Variants in FAM168B observed in about 807,000 individuals in gnomAD.
FAM168B encodes myelin-associated neurite-outgrowth inhibitor.
FAM168B carries 19 observed loss-of-function variants against 21.8 expected under a neutral mutation model. The ratio of observed to expected loss-of-function variants is 0.87; its 90% CI spans 0.61 to 1.28. FAM168B has a LOEUF of 1.28. FAM168B is among the 50% of genes most tolerant of loss of function. The pLI is 0.00. For missense variants in FAM168B, 233 were observed against 263.1 expected, an observed-to-expected ratio of 0.89 and a Z score of 0.79; for synonymous variants, 126 against 104.8, an observed-to-expected ratio of 1.20 and a Z score of -1.24.
At chr2:131,066,197 G>A (rs1437274283) in intron 3 of FAM168B, among the ~76,000 whole-genome samples, 2 of 142,188 alleles carry the variant, frequency 1.4e-5, no homozygotes, top group Non-Finnish European at 3.0e-5. Flanking sequence ...GTGGAGTCTC[G>A]CTCTGTCGCC....
At chr2:131,070,188 CGTT>C (rs376807494) in intron 3 of FAM168B, among the ~76,000 whole-genome samples, 5 of 152,138 alleles carry the variant, frequency 3.3e-5, no homozygotes, top group African/African-American at 1.2e-4. Context: ...CTTTAAAAGA[CGTT>C]GTTAAAAGAA....
intron 3 of FAM168B, among the ~76,000 whole-genome samples, chr2:131,064,527 T>G (rs1422014223): frequency 6.6e-6 from 1 of 152,102 alleles, no homozygotes; most frequent in African/African-American, 2.4e-5. Context: ...ACCCGAATAT[T>G]CTGGGGGGAA....
chr2:131,092,425 T>C (rs924780316), intron 1 of FAM168B, among the ~76,000 whole-genome samples: 36 of 152,206 alleles, frequency 2.4e-4, no homozygotes, highest in African/African-American at 8.2e-4. Flanking sequence ...TTTTATTTAA[T>C]CTAGAATCTT....
chr2:131,068,333 ATTTT>A (rs1692682288), intron 3 of FAM168B, among the ~76,000 whole-genome samples: 1 of 151,986 alleles, frequency 6.6e-6, no homozygotes, highest in Non-Finnish European at 1.5e-5. Flanking sequence ...TCATTTTTGT[ATTTT>A]TAGTAGAGAT....
intron 1 of FAM168B, among the ~76,000 whole-genome samples, chr2:131,090,098 T>C (rs1439235401): frequency 7.4e-6 from 1 of 135,592 alleles, no homozygotes; most frequent in Admixed American, 8.3e-5. Context: ...CGAGGGCGGA[T>C]CACGAGGTCA....
intron 5 of FAM168B, among the ~76,000 whole-genome samples, chr2:131,053,681 C>T (rs1275236026): frequency 1.3e-5 from 2 of 151,764 alleles, no homozygotes; most frequent in African/African-American, 2.4e-5. Context: ...GCTTGAGATG[C>T]GCCTGGGCAA....
At position 131,052,128 on chromosome 2, in the gene FAM168B, C is replaced by G; in HGVS notation, c.*337G>C. On this transcript the variant is annotated 3_prime_UTR_variant, in exon 7 of 7. Transcript: ENST00000389915. ...GCATATGATGGTTTTGCATCAGTCA[C>G]TGCAGGTAGATTGAGCAAGCTTTTT... The G allele has an allele frequency of 1.0e-6, 1 of 985,834 alleles. No individual in the cohort carries two copies. The highest frequency in any genetic ancestry group is 1.2e-6 in the Non-Finnish European group (1 of 829,940). The allele number at this position is 985,834 out of a possible 1,614,324, so 61.1% of individuals were successfully genotyped here.
Position 131,052,112 on chromosome 2 carries a change from G to T in FAM168B, c.*353C>A. ...CATTCCTTTGGATTTTGCATATGAT[G>T]GTTTTGCATCAGTCACTGCAGGTAG... On this transcript the variant is annotated 3_prime_UTR_variant, in exon 7 of 7. Transcript: ENST00000389915. 3 of 985,800 alleles carry T rather than the reference G, an allele frequency of 3.0e-6. No individual in the cohort carries two copies. Among genetic ancestry groups the T allele is most frequent in the Non-Finnish European group, 3.6e-6 (3 of 829,936 alleles). The allele number at this position is 985,800 out of a possible 1,614,324, so 61.1% of individuals were successfully genotyped here.
intron 5 of FAM168B, among the ~76,000 whole-genome samples, 193 bp downstream of exon 5, chr2:131,055,079 G>C (rs1185858313): frequency 6.6e-6 from 1 of 152,170 alleles, no homozygotes; most frequent in Non-Finnish European, 1.5e-5. Flanking sequence ...GATTCAGAGA[G>C]GCCTCCACAA....
At position 131,062,908 on chromosome 2, in the gene FAM168B, A is replaced by G. The variant is rs541872368; in HGVS notation, c.155-7213T>C. ...CACATTTTACTTAAAAACAAAACCA[A>G]AAAGGAACTAAACAAATAATGATGT... is the stretch of plus-strand genomic sequence containing the variant. On this transcript the variant is annotated intron_variant, in intron 3 of 6. Coordinates refer to ENST00000389915, the MANE Select transcript of FAM168B (RefSeq NM_001009993.4). 7.2e-5 allele frequency among the ~76,000 whole-genome samples: 11 copies of G among 152,344 alleles called. No individual in the cohort carries two copies. The East Asian group carries it at 1.2e-3, about 16-fold the overall frequency.
chr2:131,052,893 T>C lies in FAM168B; in HGVS notation c.*10A>G, dbSNP rs1215442909. ...CCCAGCCTTCCCTGGTCACTTACATTTGCAGGTGATCACCACTGAGGGGGC... is the reference window on the plus strand; with the variant it reads ...CCCAGCCTTCCCTGGTCACTTACATCTGCAGGTGATCACCACTGAGGGGGC... On this transcript the variant is annotated splice_region_variant and 3_prime_UTR_variant, in exon 6 of 7. Coordinates refer to ENST00000389915, the MANE Select transcript of FAM168B (RefSeq NM_001009993.4). The C allele has an allele frequency of 1.9e-6, 3 of 1,551,354 alleles. No homozygotes were observed. The highest frequency in any genetic ancestry group is 2.6e-6 in the Non-Finnish European group (3 of 1,146,748).
At chr2:131,058,897 C>A (rs1231812592) in intron 3 of FAM168B, among the ~76,000 whole-genome samples, 1 of 152,144 alleles carries the variant, frequency 6.6e-6, no homozygotes, top group East Asian at 1.9e-4. Context: ...ATAACATTTT[C>A]TTTAATTATA....
At position 131,052,960 on chromosome 2, in the gene FAM168B, C is replaced by T; in HGVS notation, c.531G>A (p.Val177=). 6.4e-7 allele frequency: 1 copy of T among 1,562,796 alleles called. No individual in the cohort carries two copies. Among genetic ancestry groups the T allele is most frequent in the African/African-American group, 1.4e-5 (1 of 73,762 alleles). The change falls in exon 6 of 7, where the codon GTG becomes GTA. Residue 177 remains valine, a synonymous_variant. Coordinates refer to ENST00000389915, the MANE Select transcript of FAM168B (RefSeq NM_001009993.4). The part of the protein sequence containing the change: ...PTPVAPHPVT[V]PTYRAPGTPT... ...GCGTTCCTGGGGCCCGGTACGTGGG[C>T]ACAGTGACCGGGTGGGGGGCGACAG...
chr2:131,080,316 G>A (rs1693371439), intron 2 of FAM168B, among the ~76,000 whole-genome samples: 1 of 151,548 alleles, frequency 6.6e-6, no homozygotes, highest in Non-Finnish European at 1.5e-5. Flanking sequence ...CACCAGGCTG[G>A]AGTACTGTGA....
Position 131,052,217 on chromosome 2 carries a change from T to C in FAM168B, c.*248A>G. ...TTCAGAATAGATTAATACTCCCTTTTTATCATTACAGTTAGCTAAAAAATT... is the reference window on the plus strand; with the variant it reads ...TTCAGAATAGATTAATACTCCCTTTCTATCATTACAGTTAGCTAAAAAATT... On this transcript the variant is annotated 3_prime_UTR_variant, in exon 7 of 7. Transcript: ENST00000389915. 1 of 985,868 alleles carries C rather than the reference T, an allele frequency of 1.0e-6. No homozygotes were observed. The highest frequency in any genetic ancestry group is 1.2e-6 in the Non-Finnish European group (1 of 829,956). 61.1% of individuals were successfully genotyped at this position (985,868 alleles called of 1,614,324 possible).
At position 131,048,424 on chromosome 2, in the gene FAM168B, C is replaced by CA. The variant is rs2105437394; in HGVS notation, c.*4040dup. The CA allele has an allele frequency of 1.6e-6, 2 of 1,234,830 alleles. No individual in the cohort carries two copies. The highest frequency in any genetic ancestry group is 3.1e-5 in the African/African-American group (2 of 64,690). 76.5% of individuals were successfully genotyped at this position (1,234,830 alleles called of 1,614,324 possible). On this transcript the variant is annotated 3_prime_UTR_variant, in exon 7 of 7. Transcript: ENST00000389915. ...GCAGGCCCGGGGGGGGGTCCCTACA[C>CA]AGACGCCGCTCATCCTCTGTCTCCC...
chr2:131,071,838 T>C lies in FAM168B; in HGVS notation c.154+17A>G. ...TCCCAGCTGTACGTACAAAGCATTTTACCACCCAGCACATACCTGTTTGGA... is the reference window on the plus strand; with the variant it reads ...TCCCAGCTGTACGTACAAAGCATTTCACCACCCAGCACATACCTGTTTGGA... On this transcript the variant is annotated intron_variant, in intron 3 of 6. Transcript: ENST00000389915. 6.2e-7 allele frequency: 1 copy of C among 1,612,218 alleles called. No individual in the cohort carries two copies. Among genetic ancestry groups the C allele is most frequent in the South Asian group, 1.1e-5 (1 of 91,048 alleles).
In FAM168B at chr2:131,048,245, T is replaced by TGGCCAGCACAG. The variant is rs1487896765; in HGVS notation, c.*4209_*4219dup. The TGGCCAGCACAG allele has an allele frequency of 7.7e-7, 1 of 1,303,906 alleles. No homozygotes were observed. Among genetic ancestry groups the TGGCCAGCACAG allele is most frequent in the Non-Finnish European group, 1.0e-6 (1 of 988,766 alleles). The allele number at this position is 1,303,906 out of a possible 1,614,324, so 80.8% of individuals were successfully genotyped here. A position where few individuals can be genotyped will look rare whatever the true frequency, so the allele number is the denominator to read the frequency against. ...TGAGGCTCTCTAGGGCCTCTCCGTG[T>TGGCCAGCACAG]GGCCAGCACAGCAACCCTGCTAGGA... On this transcript the variant is annotated 3_prime_UTR_variant, in exon 7 of 7. Coordinates refer to ENST00000389915, the MANE Select transcript of FAM168B (RefSeq NM_001009993.4).
chr2:131,055,708 A>C lies in FAM168B; in HGVS notation c.155-13T>G, dbSNP rs569669456. Reference sequence around the variant, plus strand: ...CCAGGAGTGTAACCTGGAACAAAGAAGGCAATGGCCTGAGTTCACCCAAGC... The same window carrying C: ...CCAGGAGTGTAACCTGGAACAAAGACGGCAATGGCCTGAGTTCACCCAAGC... On this transcript the variant is annotated splice_polypyrimidine_tract_variant and intron_variant, in intron 3 of 6. Coordinates refer to ENST00000389915, the MANE Select transcript of FAM168B (RefSeq NM_001009993.4). 2 of 1,612,764 alleles carry C rather than the reference A, an allele frequency of 1.2e-6. No homozygotes were observed. The highest frequency in any genetic ancestry group is 1.1e-5 in the South Asian group (1 of 90,932).
Sources: gnomAD v4.1 joint callset for allele counts (sites outside exome capture counted in the v4.1 genomes callset) on GRCh38, gnomAD v4.1.1 for gene constraint, MANE v1.5 for transcripts, NCBI Gene and HGNC (gene_info 2026-07-23, HGNC 2026-07-21) for gene names.